The following ACSBG1 variants were observed in gnomAD, a reference collection of about 807,000 sequenced individuals.
ACSBG1 encodes the protein long-chain-fatty-acid--CoA ligase ACSBG1.
ACSBG1 carries 39 observed loss-of-function variants against 80.2 expected under a neutral mutation model. The ratio of observed to expected loss-of-function variants is 0.49; its 90% CI spans 0.38 to 0.64. The LOEUF is 0.64. ACSBG1 is among the 30% of genes least tolerant of loss of function. The probability of loss-of-function intolerance (pLI) is 0.00; values close to 1 mark genes in which losing one functional copy is unlikely to be tolerated. For synonymous variants in ACSBG1, 392 were observed against 379.5 expected (o/e 1.03, Z -0.38); for missense variants, 828 against 966.4 (o/e 0.86, Z 1.90).
At chr15:78,205,752 C>T (rs529123064) in intron 2 of ACSBG1, among the ~76,000 whole-genome samples, 1 of 152,204 alleles carries the variant, frequency 6.6e-6, no homozygotes, top group Non-Finnish European at 1.5e-5. Flanking sequence ...CCTAATCCCA[C>T]GAATCCCTCC....
intron 5 of ACSBG1, among the ~76,000 whole-genome samples, chr15:78,183,082 C>T (rs1478360037): frequency 6.6e-6 from 1 of 152,106 alleles, no homozygotes; most frequent in Admixed American, 6.5e-5. Context: ...TGGAGTAGTG[C>T]TATGTGACTG....
intron 1 of ACSBG1, among the ~76,000 whole-genome samples, chr15:78,210,812 C>T (rs1302217898): frequency 6.6e-6 from 1 of 152,128 alleles, no homozygotes; most frequent in African/African-American, 2.4e-5. Context: ...CAGGGTCTTG[C>T]TATGTTGCCA....
chr15:78,168,841 TCTCA>T lies in ACSBG1; in HGVS notation c.*2599_*2602del, dbSNP rs1175294603. ...AGCCGAGTAACTTGCCCAGGTGGCA[TCTCA>T]CTGAGGGCTTTAAAATCTCCTTGGT... On this transcript the variant is annotated 3_prime_UTR_variant, in exon 14 of 14. Transcript: ENST00000258873. 3 of 853,174 alleles carry T rather than the reference TCTCA, an allele frequency of 3.5e-6. No homozygotes were observed. The African/African-American group carries it at 5.0e-5, about 14-fold the overall frequency. The allele number at this position is 853,174 out of a possible 1,614,324, so 52.9% of individuals were successfully genotyped here. A position where few individuals can be genotyped will look rare whatever the true frequency, so the allele number is the denominator to read the frequency against.
intron 2 of ACSBG1, among the ~76,000 whole-genome samples, chr15:78,203,943 AG>A (rs2075190743): frequency 6.6e-6 from 1 of 152,176 alleles, no homozygotes; most frequent in South Asian, 2.1e-4. Context: ...CCCTGTGCTG[AG>A]GGCCAGCCCA....
At chr15:78,215,724 G>GAGAAAGAAAGAAAGGAAGGA (rs1555434002) in intron 1 of ACSBG1, among the ~76,000 whole-genome samples, 1 of 116,554 alleles carries the variant, frequency 8.6e-6, no homozygotes, top group African/African-American at 3.3e-5. Context: ...AAGAAAGAAA[G>GAGAAAGAAAGAAAGGAAGGA]AGAAAGAAAG....
intron 1 of ACSBG1, among the ~76,000 whole-genome samples, chr15:78,227,172 T>A (rs1220280370): frequency 1.6e-5 from 2 of 127,636 alleles, no homozygotes; most frequent in Admixed American, 1.0e-4. Flanking sequence ...TGAGCCGATA[T>A]CATGCCATTG....
intron 12 of ACSBG1, 106 bp downstream of exon 12, chr15:78,174,279 A>C: frequency 6.8e-7 from 1 of 1,478,506 alleles, no homozygotes; most frequent in East Asian, 2.3e-5. Flanking sequence ...TCCAGAATGA[A>C]GCCATGAGAT....
chr15:78,220,831 T>C (rs1377014110), intron 1 of ACSBG1, among the ~76,000 whole-genome samples: 1 of 152,220 alleles, frequency 6.6e-6, no homozygotes, highest in Non-Finnish European at 1.5e-5. Flanking sequence ...GGCAAGGATG[T>C]GGAGAAATTA....
intron 2 of ACSBG1, among the ~76,000 whole-genome samples, chr15:78,200,504 C>T (rs1304260226): frequency 1.3e-5 from 2 of 152,180 alleles, no homozygotes; most frequent in East Asian, 3.9e-4. Context: ...TTACTGAGCC[C>T]CTGCCATGCG....
rs1366173779 is a variant in ACSBG1, at chr15:78,185,004, CAGAGGGAGAG to C, written c.664-2229_664-2220del. On this transcript the variant is annotated intron_variant, in intron 5 of 13. Coordinates refer to ENST00000258873, the MANE Select transcript of ACSBG1 (RefSeq NM_015162.5). ...ATTTTTGAGCTATGGGAGAGACAGA[CAGAGGGAGAG>C]AGAGGGAGAGAGAGGGAGAGAAAGG... Among the ~76,000 whole-genome samples the C allele has an allele frequency of 4.0e-4, 56 of 141,696 alleles. No homozygotes were observed. The South Asian group carries it at 4.7e-3, about 12-fold the overall frequency. The allele number at this position is 141,696 out of a possible 152,430, so 93.0% of individuals were successfully genotyped here.
chr15:78,234,254 C>T (rs748428627), intron 1 of ACSBG1, 117 bp downstream of exon 1: 102 of 1,400,822 alleles, frequency 7.3e-5, no homozygotes, highest in Non-Finnish European at 9.6e-5. Context: ...CCTTCATTTC[C>T]CAGGTGAAGA....
In ACSBG1 at chr15:78,203,132, C is replaced by T. The variant is rs1034623478; in HGVS notation, c.232+4870G>A. ...AGACTTAGGAAATCAGGATGACTGCCAGTCCTTAAAGTAGTCCTCATCTCC... is the reference window on the plus strand; with the variant it reads ...AGACTTAGGAAATCAGGATGACTGCTAGTCCTTAAAGTAGTCCTCATCTCC... On this transcript the variant is annotated intron_variant, in intron 2 of 13. Coordinates refer to ENST00000258873, the MANE Select transcript of ACSBG1 (RefSeq NM_015162.5). Among the ~76,000 whole-genome samples the T allele has an allele frequency of 1.6e-4, 24 of 152,308 alleles. 1 individual carries two copies. Among genetic ancestry groups the T allele is most frequent in the Admixed American group, 1.2e-3 (19 of 15,302 alleles).
intron 1 of ACSBG1, among the ~76,000 whole-genome samples, chr15:78,220,342 A>T (rs1280012045): frequency 6.6e-6 from 1 of 152,268 alleles, no homozygotes; most frequent in East Asian, 1.9e-4. Context: ...TGTATAAAAG[A>T]TCTAAACCTA....
At chr15:78,215,349 T>C (rs998151463) in intron 1 of ACSBG1, among the ~76,000 whole-genome samples, 1 of 152,180 alleles carries the variant, frequency 6.6e-6, no homozygotes, top group Non-Finnish European at 1.5e-5. Context: ...GTGTCCAAAC[T>C]GATGAGGTTT....
At chr15:78,173,500 G>A in intron 13 of ACSBG1, 93 bp downstream of exon 13, 5 of 1,527,086 alleles carry the variant, frequency 3.3e-6, no homozygotes, top group Non-Finnish European at 4.4e-6. Context: ...CCTTCTCTTT[G>A]CCGTGGCTGC....
chr15:78,204,922 G>A (rs559339066), intron 2 of ACSBG1, among the ~76,000 whole-genome samples: 1 of 152,296 alleles, frequency 6.6e-6, no homozygotes, highest in East Asian at 1.9e-4. Flanking sequence ...CCCACAAAGG[G>A]CTTCACTGGA....
At position 78,180,915 on chromosome 15, in the gene ACSBG1, G is replaced by T. The variant is rs751633265; in HGVS notation, c.1093C>A (p.Arg365=). ...ALKGSLVNTL[R]EVEPTSHMGV... ...ATGTGTGATGTGGGCTCCACCTCCC[G>T]CAGCGTGTTCACCAGGCTCCCCTGT... Residue 365 remains arginine (R), a synonymous_variant, in exon 9 of 14, where the codon CGG becomes AGG. Coordinates refer to ENST00000258873, the MANE Select transcript of ACSBG1 (RefSeq NM_015162.5). 2 of 1,614,066 alleles carry T rather than the reference G, an allele frequency of 1.2e-6. No homozygotes were observed. The highest frequency in any genetic ancestry group is 1.3e-5 in the African/African-American group (1 of 75,046).
rs886331906 is a variant in ACSBG1, at chr15:78,178,144, C to T, written c.1702+470G>A. On this transcript the variant is annotated intron_variant, in intron 11 of 13. Coordinates refer to ENST00000258873, the MANE Select transcript of ACSBG1 (RefSeq NM_015162.5). This position sits in a 1 kb window ranked among gnomAD's most constrained non-coding sequence, Gnocchi z 4.3. The stretch of plus-strand genomic sequence containing the variant: ...CAAGTTAAGGTTAATAAGTACCTGC[C>T]CCATAGGAGAGTGGAGTAAATAAAA... Among the ~76,000 whole-genome samples the T allele has an allele frequency of 4.6e-5, 7 of 152,170 alleles. No homozygotes were observed. The highest frequency in any genetic ancestry group is 1.0e-4 in the Non-Finnish European group (7 of 68,010).
intron 2 of ACSBG1, among the ~76,000 whole-genome samples, chr15:78,199,801 A>G (rs2075150458): frequency 6.6e-6 from 1 of 151,952 alleles, no homozygotes; most frequent in Non-Finnish European, 1.5e-5. Context: ...CCAGCCAAAT[A>G]TATGTTTTAA....
Sources: gnomAD v4.1 joint callset for allele counts (sites outside exome capture counted in the v4.1 genomes callset) on GRCh38, gnomAD v4.1.1 for gene constraint, Gnocchi (gnomAD v3.1) non-coding constraint, MANE v1.5 for transcripts, NCBI Gene and HGNC (gene_info 2026-07-23, HGNC 2026-07-21) for gene names.